The following THSD7B variants were observed in gnomAD, a reference collection of about 807,000 sequenced individuals.
THSD7B encodes the protein thrombospondin type 1 domain containing 7B.
THSD7B carries 138 observed loss-of-function variants against 213.6 expected under a neutral mutation model. The ratio of observed to expected loss-of-function variants is 0.65; its 90% CI spans 0.56 to 0.74. The LOEUF (loss-of-function observed/expected upper bound fraction) is 0.74. Among genes scored for constraint, THSD7B ranks in the 30% least tolerant of loss-of-function variants. The pLI is 0.00. For missense variants in THSD7B, 1,931 were observed against 1,991.5 expected (o/e 0.97, Z 0.58); for synonymous variants, 742 against 687.0 (o/e 1.08, Z -1.25).
chr2:137,506,190 C>CAG lies in THSD7B; in HGVS notation c.3138+55169_3138+55170dup, dbSNP rs377040457. On this transcript the variant is annotated intron_variant, in intron 15 of 27. Transcript: ENST00000409968. ...GCATACCCTTCATAACCACTCAAGG[C>CAG]AGAAGTTACAGCTTCACATTACAGA... 7.9e-4 allele frequency among the ~76,000 whole-genome samples: 120 copies of CAG among 152,286 alleles called. 2 individuals are homozygous for CAG. Among genetic ancestry groups the CAG allele is most frequent in the African/African-American group, 2.6e-3 (108 of 41,552 alleles).
At chr2:137,039,598 G>A (rs1686842103) in intron 2 of THSD7B, among the ~76,000 whole-genome samples, 1 of 152,184 alleles carries the variant, frequency 6.6e-6, no homozygotes, top group Non-Finnish European at 1.5e-5. Flanking sequence ...ACATGGACTT[G>A]TTATTCATTC....
chr2:136,936,343 T>C (rs938942925), intron 2 of THSD7B, among the ~76,000 whole-genome samples: 1 of 151,994 alleles, frequency 6.6e-6, no homozygotes, highest in South Asian at 2.1e-4. Flanking sequence ...AGAAAAGAAG[T>C]CATTATACGG....
intron 10 of THSD7B, among the ~76,000 whole-genome samples, chr2:137,266,352 G>A (rs2105088344): frequency 6.6e-6 from 1 of 152,308 alleles, no homozygotes; most frequent in Admixed American, 6.5e-5. Context: ...TCAACCCTAG[G>A]AAGTATTTAA....
chr2:137,125,521 C>G (rs191976233), intron 5 of THSD7B, among the ~76,000 whole-genome samples: 144 of 152,314 alleles, frequency 9.5e-4, no homozygotes, highest in African/African-American at 3.3e-3. Flanking sequence ...AGTTCTCTTG[C>G]TATTTCTACC....
At position 137,237,376 on chromosome 2, in the gene THSD7B, C is replaced by T. The variant is rs72971594; in HGVS notation, c.2150+4243C>T. Among the ~76,000 whole-genome samples the T allele has an allele frequency of 2.6e-3, 396 of 152,212 alleles. 3 individuals carry two copies. The highest frequency in any genetic ancestry group is 9.3e-3 in the African/African-American group (385 of 41,514). On this transcript the variant is annotated intron_variant, in intron 9 of 27. Coordinates refer to ENST00000409968, the MANE Select transcript of THSD7B (RefSeq NM_001316349.2). ...GGGTTTCAAGGCTTCAGTTTTGTTG[C>T]GGAAATAGCTGGAGAAATAAGTCTA... is the stretch of plus-strand genomic sequence containing the variant.
At chr2:137,333,348 C>T (rs1393306102) in intron 12 of THSD7B, among the ~76,000 whole-genome samples, 1 of 152,136 alleles carries the variant, frequency 6.6e-6, no homozygotes, top group Non-Finnish European at 1.5e-5. Context: ...TCAAATGATA[C>T]CATTTGCTTG....
chr2:137,126,177 C>T (rs1433878717), intron 5 of THSD7B, among the ~76,000 whole-genome samples: 1 of 152,108 alleles, frequency 6.6e-6, no homozygotes, highest in African/African-American at 2.4e-5. Context: ...AAGAGTCAGC[C>T]TATCTTTTAA....
At chr2:136,893,500 G>A (rs962472528) in intron 2 of THSD7B, among the ~76,000 whole-genome samples, 2 of 123,302 alleles carry the variant, frequency 1.6e-5, no homozygotes, top group African/African-American at 2.5e-5. Context: ...ACAAACAAAG[G>A]TCAGAGTTCA....
intron 17 of THSD7B, among the ~76,000 whole-genome samples, chr2:137,611,023 A>AAT (rs1682280121): frequency 7.8e-6 from 1 of 127,864 alleles, no homozygotes; most frequent in African/African-American, 3.3e-5. Context: ...AAATAAAATA[A>AAT]AAAATAAAAA....
At chr2:137,196,436 C>T (rs1680764779) in intron 7 of THSD7B, among the ~76,000 whole-genome samples, 1 of 112,576 alleles carries the variant, frequency 8.9e-6, no homozygotes, top group African/African-American at 3.5e-5. Context: ...TCCAGGTATT[C>T]TGGTGATGCT....
chr2:137,470,324 C>T (rs914070334), intron 15 of THSD7B, among the ~76,000 whole-genome samples: 1 of 152,156 alleles, frequency 6.6e-6, no homozygotes, highest in African/African-American at 2.4e-5. Context: ...TATACTTTGT[C>T]CTTACTATAC....
At chr2:137,316,413 C>T (rs1281334727) in intron 12 of THSD7B, among the ~76,000 whole-genome samples, 1 of 152,284 alleles carries the variant, frequency 6.6e-6, no homozygotes, top group East Asian at 1.9e-4. Context: ...GTACATATTT[C>T]CCAAAGATTT....
At chr2:137,564,501 T>C (rs1192108125) in intron 16 of THSD7B, among the ~76,000 whole-genome samples, 1 of 152,170 alleles carries the variant, frequency 6.6e-6, no homozygotes, top group African/African-American at 2.4e-5. Flanking sequence ...CTGTTGCAAA[T>C]TTGGAGCTTT....
chr2:137,617,990 G>A (rs1182506319), intron 18 of THSD7B, among the ~76,000 whole-genome samples: 1 of 152,114 alleles, frequency 6.6e-6, no homozygotes, highest in African/African-American at 2.4e-5. Flanking sequence ...AATTTTGCAG[G>A]GGTACACAAA....
intron 5 of THSD7B, chr2:137,156,298 A>T (rs1254530087): frequency 6.6e-6 from 1 of 152,190 alleles, no homozygotes; most frequent in Non-Finnish European, 1.5e-5. Context: ...ACATTGATTC[A>T]GTGTCTAAAT....
chr2:136,967,394 T>G (rs534450891), intron 2 of THSD7B, among the ~76,000 whole-genome samples: 7 of 152,322 alleles, frequency 4.6e-5, no homozygotes, highest in African/African-American at 1.7e-4. Context: ...TGTTATTATA[T>G]CCAGTCATTT....
intron 12 of THSD7B, among the ~76,000 whole-genome samples, chr2:137,346,315 A>G (rs1345224010): frequency 6.6e-6 from 1 of 151,626 alleles, no homozygotes; most frequent in African/African-American, 2.4e-5. Flanking sequence ...GATAGTTCAT[A>G]TAAGTGAAAT....
chr2:136,943,341 CT>C lies in THSD7B; in HGVS notation c.139+61031del, dbSNP rs529002452. On this transcript the variant is annotated intron_variant, in intron 2 of 27. Transcript: ENST00000409968. ...ATCAGGGATATTGGTCTAAAATTCT[CT>C]TTTTTTGTTGTGTCTCTGCTAGGCT... Among the ~76,000 whole-genome samples the C allele has an allele frequency of 1.7e-4, 26 of 152,202 alleles. No homozygotes were observed. In the East Asian group the frequency reaches 2.3e-3, roughly 14 times the overall value.
At chr2:137,245,835 G>A (rs536851041) in intron 10 of THSD7B, among the ~76,000 whole-genome samples, 2 of 152,258 alleles carry the variant, frequency 1.3e-5, no homozygotes, top group African/African-American at 4.8e-5. Flanking sequence ...GACTTTTTGG[G>A]AAATGGTGTC....
Sources: allele counts gnomAD v4.1 joint callset (sites outside exome capture counted in the v4.1 genomes callset), GRCh38; gene constraint gnomAD v4.1.1; transcripts MANE v1.5; gene names NCBI Gene and HGNC (gene_info 2026-07-23, HGNC 2026-07-21).